Variants in GORAB observed in about 807,000 individuals in gnomAD.
GORAB encodes the protein golgin, RAB6 interacting, also known as RAB6-interacting golgin.
In GORAB, 17 loss-of-function variants were observed where a neutral mutation model predicts 29.9. The observed-to-expected ratio is 0.57, with a 90% CI of 0.39 to 0.85. GORAB has a LOEUF of 0.85. GORAB is among the 40% of genes least tolerant of loss of function. GORAB has a pLI of 0.00. For synonymous variants in GORAB, 183 were observed against 157.2 expected (o/e 1.16, Z -1.23); for missense variants, 442 against 437.8 (o/e 1.01, Z -0.09).
Position 170,547,433 on chromosome 1 carries a change from ACTG to A in GORAB, c.662+2594_662+2596del, listed in dbSNP as rs1571256840. Among the ~76,000 whole-genome samples, 13 of 151,802 alleles carry A rather than the reference ACTG, an allele frequency of 8.6e-5. 1 individual carries two copies. Among genetic ancestry groups the A allele is most frequent in the Admixed American group, 7.2e-4 (11 of 15,244 alleles). On this transcript the variant is annotated intron_variant, in intron 4 of 4. Transcript: ENST00000367763. ...TGCTGCTACTGCTGCTACTGCTGCT[ACTG>A]CTGCTACTGCTGCTACTGCTACTAC...
chr1:170,551,310 C>T (rs1374487168), intron 4 of GORAB, among the ~76,000 whole-genome samples: 1 of 152,118 alleles, frequency 6.6e-6, no homozygotes, highest in East Asian at 1.9e-4. Flanking sequence ...GTCAGTAGCA[C>T]CAAGGTTGAG....
chr1:170,539,557 A>G lies in GORAB; in HGVS notation c.409A>G (p.Lys137Glu), dbSNP rs2101821379. ...PKPDCKLEKK[K>E]VELQEKSRWE... is the part of the protein sequence containing the mutation. ...GCCAGATTGCAAATTGGAGAAAAAG[A>G]AAGTGGAATTGTTAGTAAGTCTATG... The change falls in exon 2 of 5, where the codon AAA becomes GAA. Residue 137 changes from lysine to glutamate, a missense_variant. Lys to Glu is a moderately conservative substitution (Grantham distance 56). Transcript: ENST00000367763. 3 of 1,614,040 alleles carry G rather than the reference A, an allele frequency of 1.9e-6. No individual in the cohort carries two copies. The highest frequency in any genetic ancestry group is 2.5e-6 in the Non-Finnish European group (3 of 1,179,970).
At chr1:170,540,503 T>C (rs575621614) in intron 2 of GORAB, among the ~76,000 whole-genome samples, 2 of 152,172 alleles carry the variant, frequency 1.3e-5, no homozygotes, top group Non-Finnish European at 2.9e-5. Flanking sequence ...GATTCTATCC[T>C]GTGAATTTAA....
chr1:170,545,467 A>T (rs1649699677), intron 4 of GORAB: 1 of 982,136 alleles, frequency 1.0e-6, no homozygotes, highest in African/African-American at 1.7e-5. Context: ...AAGAGAAAAA[A>T]TACCATGGAG....
At chr1:170,551,738 T>C (rs1321833448) in intron 4 of GORAB, among the ~76,000 whole-genome samples, 1 of 152,194 alleles carries the variant, frequency 6.6e-6, no homozygotes, top group African/African-American at 2.4e-5. Context: ...ATTAACCTTT[T>C]AGCCTGCCTT....
chr1:170,535,405 C>T (rs1266843925), intron 1 of GORAB, among the ~76,000 whole-genome samples: 2 of 152,190 alleles, frequency 1.3e-5, no homozygotes, highest in African/African-American at 4.8e-5. Flanking sequence ...GAAAACAGTA[C>T]AGCCACATGC....
rs960190775 is a variant in GORAB at position 170,553,308 on chromosome 1, G to A, written c.*846G>A. The A allele has an allele frequency of 2.2e-6, 1 of 451,534 alleles. No individual in the cohort carries two copies. The highest frequency in any genetic ancestry group is 2.4e-5 in the Admixed American group (1 of 42,222). The allele number at this position is 451,534 out of a possible 1,614,324, so 28.0% of individuals were successfully genotyped here. A position where few individuals can be genotyped will look rare whatever the true frequency, so the allele number is the denominator to read the frequency against. ...AATATGTTTTTGATATGTTGGACATGAATTACCCTGTCATGAAGCGTTTAA... is the reference window on the plus strand; with the variant it reads ...AATATGTTTTTGATATGTTGGACATAAATTACCCTGTCATGAAGCGTTTAA... On this transcript the variant is annotated 3_prime_UTR_variant, in exon 5 of 5. Coordinates refer to ENST00000367763, the MANE Select transcript of GORAB (RefSeq NM_152281.3).
At chr1:170,538,671 A>G (rs2101819992) in intron 1 of GORAB, among the ~76,000 whole-genome samples, 1 of 152,334 alleles carries the variant, frequency 6.6e-6, no homozygotes, top group South Asian at 2.1e-4. Context: ...GTTAACTAGC[A>G]TTCCTAGAAA....
chr1:170,534,513 A>G (rs1648928361), intron 1 of GORAB, among the ~76,000 whole-genome samples: 1 of 152,166 alleles, frequency 6.6e-6, no homozygotes, highest in Non-Finnish European at 1.5e-5. Context: ...AGCTGTATAT[A>G]TAATATATAC....
intron 1 of GORAB, 159 bp from the exon 2 acceptor site, chr1:170,539,051 G>A: frequency 1.3e-6 from 1 of 786,898 alleles, no homozygotes; most frequent in Non-Finnish European, 2.0e-6. Context: ...AAACTCTACA[G>A]GAAGATGGCT....
Position 170,545,779 on chromosome 1 carries a change from T to C in GORAB, c.662+934T>C, listed in dbSNP as rs182328345. Reference sequence around the variant, plus strand: ...TTGTGGTTTTTAATAAACTGTTGAGTGTTTAAGAAAGAGTCTTGTGGTTGT... The same window carrying C: ...TTGTGGTTTTTAATAAACTGTTGAGCGTTTAAGAAAGAGTCTTGTGGTTGT... On this transcript the variant is annotated intron_variant, in intron 4 of 4. Coordinates refer to ENST00000367763, the MANE Select transcript of GORAB (RefSeq NM_152281.3). The C allele has an allele frequency of 3.2e-4, 312 of 978,156 alleles. No individual in the cohort carries two copies. In the African/African-American group the frequency reaches 5.3e-3, roughly 17 times the overall value. The allele number at this position is 978,156 out of a possible 1,614,324, so 60.6% of individuals were successfully genotyped here.
chr1:170,542,751 A>G (rs1421364165), intron 3 of GORAB, among the ~76,000 whole-genome samples, 159 bp downstream of exon 3: 1 of 152,210 alleles, frequency 6.6e-6, no homozygotes, highest in Non-Finnish European at 1.5e-5. Flanking sequence ...AGTGATACTG[A>G]AATACTAGTT....
chr1:170,552,273 A>G lies in GORAB; in HGVS notation c.921A>G (p.Leu307=). 6.2e-7 allele frequency: 1 copy of G among 1,614,158 alleles called. No homozygotes were observed. Among genetic ancestry groups the G allele is most frequent in the Non-Finnish European group, 8.5e-7 (1 of 1,179,972 alleles). ...EVESRRPVVR[L]ERPFQPAEES... ...AATCAAGGAGACCAGTGGTTCGTTT[A>G]GAGAGGCCATTTCAGCCTGCGGAGG... The change falls in exon 5 of 5, where the codon TTA becomes TTG. Residue 307 remains leucine (L), a synonymous_variant. Coordinates refer to ENST00000367763, the MANE Select transcript of GORAB (RefSeq NM_152281.3).
chr1:170,544,901 C>T, intron 4 of GORAB, 56 bp downstream of exon 4: 9 of 1,577,812 alleles, frequency 5.7e-6, no homozygotes, highest in Non-Finnish European at 7.8e-6. Context: ...ATGTTTATTG[C>T]CAGCTGTTCC....
rs1019017562 is a variant in GORAB at position 170,541,574 on chromosome 1, C to A, written c.420-917C>A. On this transcript the variant is annotated intron_variant, in intron 2 of 4. Transcript: ENST00000367763. ...AGAAGGACAATTTTGGAAGGGGCTA[C>A]TAGATTTGGGAATAGAGGTATGTGA... 2.6e-5 allele frequency among the ~76,000 whole-genome samples: 4 copies of A among 151,834 alleles called. No individual in the cohort carries two copies. The South Asian group carries it at 8.3e-4, about 32-fold the overall frequency.
At chr1:170,549,530 C>T (rs1649987588) in intron 4 of GORAB, among the ~76,000 whole-genome samples, 1 of 152,104 alleles carries the variant, frequency 6.6e-6, no homozygotes, top group South Asian at 2.1e-4. Context: ...CTTTGACTGG[C>T]TGAAGGAGAC....
At chr1:170,533,518 C>T in intron 1 of GORAB, 1 of 453,108 alleles carries the variant, frequency 2.2e-6, no homozygotes, top group South Asian at 1.6e-5. Flanking sequence ...AGGAGACAAA[C>T]CACAAAGTTA....
intron 2 of GORAB, 109 bp from the exon 3 acceptor site, chr1:170,542,382 T>A: frequency 1.4e-6 from 1 of 693,788 alleles, no homozygotes. Context: ...TACATAAATC[T>A]TCTTGATTAA....
intron 4 of GORAB, chr1:170,545,163 A>G: frequency 9.6e-7 from 1 of 1,039,532 alleles, no homozygotes; most frequent in South Asian, 4.1e-5. Context: ...GCATCTAGCA[A>G]AGTAAATATC....
Sources: gnomAD v4.1 joint callset for allele counts (sites outside exome capture counted in the v4.1 genomes callset) on GRCh38, gnomAD v4.1.1 for gene constraint, MANE v1.5 for transcripts, NCBI Gene and HGNC (gene_info 2026-07-23, HGNC 2026-07-21) for gene names.